Variants in SH3GL3 observed in about 807,000 individuals in gnomAD.
SH3GL3 encodes the protein SH3 domain containing GRB2 like 3, endophilin A3, also known as endophilin-A3.
Under a neutral mutation model 47.7 loss-of-function variants are expected in SH3GL3, and 33 were observed. The ratio of observed to expected loss-of-function variants is 0.69; its 90% CI spans 0.52 to 0.92. The LOEUF (loss-of-function observed/expected upper bound fraction) is 0.92. SH3GL3 is among the 40% of genes least tolerant of loss of function. The pLI is 0.00. For missense variants in SH3GL3, 363 were observed against 417.8 expected (o/e 0.87, Z 1.14); for synonymous variants, 155 against 148.8 (o/e 1.04, Z -0.30).
intron 1 of SH3GL3, among the ~76,000 whole-genome samples, chr15:83,493,320 A>G (rs940634656): frequency 6.6e-6 from 1 of 152,132 alleles, no homozygotes; most frequent in Non-Finnish European, 1.5e-5. Flanking sequence ...GGTGATGGGG[A>G]CATGGCAGTT....
chr15:83,562,108 G>A (rs1308229068), intron 2 of SH3GL3, among the ~76,000 whole-genome samples: 2 of 151,000 alleles, frequency 1.3e-5, no homozygotes, highest in Non-Finnish European at 2.9e-5. Context: ...TATTCTAGGA[G>A]GGAGATTTTG....
intron 1 of SH3GL3, among the ~76,000 whole-genome samples, chr15:83,458,225 G>T (rs552294297): frequency 6.6e-6 from 1 of 152,220 alleles, no homozygotes; most frequent in Admixed American, 6.5e-5. Context: ...TGAGGGGAGA[G>T]TCTGAGAGAA....
At chr15:83,624,989 G>A in the SH3GL3 span, among the ~76,000 whole-genome samples, 1 of 152,100 alleles carries the variant, frequency 6.6e-6, no homozygotes, top group South Asian at 2.1e-4. Context: ...GGCCAGGCAC[G>A]GTGGCTTATG....
chr15:83,549,525 C>T (rs1272062134), intron 1 of SH3GL3, among the ~76,000 whole-genome samples: 2 of 152,126 alleles, frequency 1.3e-5, no homozygotes, highest in Non-Finnish European at 2.9e-5. Context: ...ATTAAAATCC[C>T]AGATGTTTTT....
chr15:83,610,550 A>G (rs2060632881), intron 8 of SH3GL3, among the ~76,000 whole-genome samples: 2 of 152,110 alleles, frequency 1.3e-5, no homozygotes, highest in Admixed American at 6.5e-5. Context: ...AGGAAAAGGA[A>G]AAGAGAAAAG....
intron 1 of SH3GL3, among the ~76,000 whole-genome samples, chr15:83,546,207 G>A (rs2044386553): frequency 1.3e-5 from 2 of 151,470 alleles, no homozygotes; most frequent in Non-Finnish European, 2.9e-5. Flanking sequence ...TCTGCTTGAT[G>A]CTTTACTGTA....
At chr15:83,607,878 A>ATAATAC (rs1449156427) in intron 8 of SH3GL3, among the ~76,000 whole-genome samples, 20 of 145,570 alleles carry the variant, frequency 1.4e-4, no homozygotes, top group South Asian at 8.8e-4. Flanking sequence ...AATAATAATA[A>ATAATAC]TACAAACAAC....
intron 8 of SH3GL3, among the ~76,000 whole-genome samples, chr15:83,595,615 C>T (rs1256315196): frequency 1.0e-5 from 1 of 96,314 alleles, no homozygotes; most frequent in Non-Finnish European, 2.1e-5. Flanking sequence ...AAAGTTACTC[C>T]TTGTTTTTTT....
chr15:83,598,171 T>A (rs758812601), intron 8 of SH3GL3, among the ~76,000 whole-genome samples: 3 of 152,222 alleles, frequency 2.0e-5, no homozygotes, highest in Non-Finnish European at 4.4e-5. Context: ...CTGTTTCAGA[T>A]GCCCACACTC....
chr15:83,461,567 T>C (rs1273645202), intron 1 of SH3GL3, among the ~76,000 whole-genome samples: 2 of 152,102 alleles, frequency 1.3e-5, no homozygotes, highest in Non-Finnish European at 2.9e-5. Context: ...TCTCCCTATC[T>C]TATCTCTCTA....
chr15:83,484,533 G>GT (rs565460619), intron 1 of SH3GL3, among the ~76,000 whole-genome samples: 80 of 147,736 alleles, frequency 5.4e-4, no homozygotes, highest in South Asian at 3.2e-3. Flanking sequence ...AGTAAAAATA[G>GT]TTTTTTTTTT....
chr15:83,535,076 T>C (rs982333290), intron 1 of SH3GL3, among the ~76,000 whole-genome samples: 2 of 148,212 alleles, frequency 1.3e-5, no homozygotes, highest in Admixed American at 1.4e-4. Context: ...TTTTTAGTTT[T>C]TGAAAAATAC....
downstream of SH3GL3, among the ~76,000 whole-genome samples, chr15:83,619,524 C>T (rs575372656): frequency 1.1e-4 from 16 of 152,224 alleles, no homozygotes; most frequent in East Asian, 3.1e-3. Flanking sequence ...ACACATTTAC[C>T]TATGTAACAA....
intron 1 of SH3GL3, among the ~76,000 whole-genome samples, chr15:83,523,011 C>T (rs190362338): frequency 2.0e-5 from 3 of 152,052 alleles, no homozygotes; most frequent in African/African-American, 7.2e-5. Flanking sequence ...TTAAATAAGC[C>T]AGTTTCTAAA....
At chr15:83,471,960 T>G (rs1448496001) in intron 1 of SH3GL3, among the ~76,000 whole-genome samples, 1 of 152,178 alleles carries the variant, frequency 6.6e-6, no homozygotes. Context: ...CTCAGCTCAC[T>G]GCAACCTCTG....
At chr15:83,536,860 C>G (rs368804397) in intron 1 of SH3GL3, among the ~76,000 whole-genome samples, 1 of 152,086 alleles carries the variant, frequency 6.6e-6, no homozygotes, top group Non-Finnish European at 1.5e-5. Context: ...AAAAAGTTCC[C>G]CTCTATACTT....
intron 6 of SH3GL3, 54 bp downstream of exon 6, chr15:83,576,795 T>C: frequency 3.2e-6 from 4 of 1,258,692 alleles, no homozygotes; most frequent in Non-Finnish European, 4.5e-6. Context: ...AAACATTGAA[T>C]ATATGACTAT....
intron 1 of SH3GL3, among the ~76,000 whole-genome samples, chr15:83,544,113 A>C (rs960471126): frequency 4.0e-5 from 6 of 150,530 alleles, no homozygotes; most frequent in Non-Finnish European, 8.9e-5. Context: ...TATTTATTTG[A>C]AGTTTTTCTA....
chr15:83,487,857 A>ATTTTC, intron 1 of SH3GL3, among the ~76,000 whole-genome samples: 1 of 141,132 alleles, frequency 7.1e-6, no homozygotes, highest in South Asian at 2.3e-4. Flanking sequence ...TCTTTTTTTA[A>ATTTTC]TTTTCTTTTC....
Sources: gnomAD v4.1 joint callset for allele counts (sites outside exome capture counted in the v4.1 genomes callset) on GRCh38, gnomAD v4.1.1 for gene constraint, MANE v1.5 for transcripts, NCBI Gene and HGNC (gene_info 2026-07-23, HGNC 2026-07-21) for gene names.